The following TRIM22 variants were observed in gnomAD, a reference collection of about 807,000 sequenced individuals.
TRIM22 encodes the protein E3 ubiquitin-protein ligase TRIM22.
TRIM22 carries 45 observed loss-of-function variants against 53.6 expected under a neutral mutation model. The ratio of observed to expected loss-of-function variants is 0.84; its 90% CI spans 0.66 to 1.08. TRIM22 has a LOEUF of 1.08. TRIM22 is among the 50% of genes least tolerant of loss of function. The pLI, the probability that TRIM22 is intolerant of heterozygous loss-of-function variation, is 0.00. For missense variants in TRIM22, 616 were observed against 590.9 expected, an observed-to-expected ratio of 1.04 and a Z score of -0.44; for synonymous variants, 225 against 216.6, an observed-to-expected ratio of 1.04 and a Z score of -0.34.
chr11:5,707,702 C>T (rs1318749784), intron 5 of TRIM22, among the ~76,000 whole-genome samples: 1 of 152,032 alleles, frequency 6.6e-6, no homozygotes, highest in Non-Finnish European at 1.5e-5. Context: ...ATCCCAGCTA[C>T]TTGGGAGGCT....
At chr11:5,693,924 T>G (rs1853217602) in intron 1 of TRIM22, among the ~76,000 whole-genome samples, 1 of 152,144 alleles carries the variant, frequency 6.6e-6, no homozygotes, top group South Asian at 2.1e-4. Context: ...GAAGGAGGCC[T>G]CTGGTCCATG....
In TRIM22 at chr11:5,696,496, AC is replaced by A; in HGVS notation, c.265del (p.Gln89ArgfsTer45). The A allele has an allele frequency of 2.6e-5, 42 of 1,614,276 alleles. No individual in the cohort carries two copies. The highest frequency in any genetic ancestry group is 3.5e-5 in the Non-Finnish European group (41 of 1,180,052). ...ERVKEVKMSP[Q>X]EGQKRDVCEH... ...GAGTCAAAGAGGTCAAGATGAGCCC[AC>A]AGGAGGGGCAGAAGAGAGATGTCTG... On this transcript the variant is annotated frameshift_variant, in exon 2 of 8. Coordinates refer to ENST00000379965, the MANE Select transcript of TRIM22 (RefSeq NM_006074.5). LOFTEE classifies it high-confidence loss of function.
intron 1 of TRIM22, among the ~76,000 whole-genome samples, chr11:5,690,375 G>A (rs1853153716): frequency 6.6e-6 from 1 of 152,146 alleles, no homozygotes; most frequent in African/African-American, 2.4e-5. Flanking sequence ...GCTGGAGTCG[G>A]CCACACAATC....
chr11:5,707,435 C>T (rs73404232), intron 5 of TRIM22, among the ~76,000 whole-genome samples: 10,326 of 152,176 alleles, frequency 0.068, 561 homozygotes, highest in African/African-American at 0.15. Flanking sequence ...ACATCTCTGG[C>T]CTCTTCCTGG....
rs764535815 is a variant in TRIM22, at chr11:5,709,052, G to A, written c.902-1G>A. 1 of 1,610,224 alleles carries A rather than the reference G, an allele frequency of 6.2e-7. No homozygotes were observed. Among genetic ancestry groups the A allele is most frequent in the South Asian group, 1.1e-5 (1 of 90,940 alleles). On this transcript the variant is annotated splice_acceptor_variant, in intron 7 of 7. Transcript: ENST00000379965. LOFTEE classifies it high-confidence loss of function. ...ACTTGACTTGGTAATTTTTTCTACA[G>A]TGGACGTGATGCTGAATCCAGGCAG...
At chr11:5,693,058 A>T (rs897084197) in intron 1 of TRIM22, among the ~76,000 whole-genome samples, 13 of 150,902 alleles carry the variant, frequency 8.6e-5, no homozygotes, top group East Asian at 5.9e-4. Flanking sequence ...GTATATATAT[A>T]TATTTTTTAG....
At position 5,693,516 on chromosome 11, in the gene TRIM22, C is replaced by T. The variant is rs1484072894; in HGVS notation, c.-66-2651C>T. 4.0e-5 allele frequency among the ~76,000 whole-genome samples: 6 copies of T among 151,732 alleles called. No individual in the cohort carries two copies. In the East Asian group the frequency reaches 5.9e-4, roughly 15 times the overall value. ...CGGGCAGATCATGAGGTCCGGAGAT[C>T]GAGACCATCCTGGCTAACACAGTGA... is the stretch of plus-strand genomic sequence containing the variant. On this transcript the variant is annotated intron_variant, in intron 1 of 7. Transcript: ENST00000379965.
chr11:5,697,386 G>T, intron 3 of TRIM22, 43 bp downstream of exon 3: 1 of 1,475,560 alleles, frequency 6.8e-7, no homozygotes, highest in Non-Finnish European at 9.3e-7. Context: ...ACAGGAATCT[G>T]GGCAGGACCC....
intron 4 of TRIM22, among the ~76,000 whole-genome samples, chr11:5,702,285 G>A (rs1306654706): frequency 2.1e-5 from 3 of 141,848 alleles, no homozygotes; most frequent in Non-Finnish European, 4.6e-5. Context: ...ATGCCTAAAG[G>A]TATATATATA....
chr11:5,694,320 C>T (rs1226159671), intron 1 of TRIM22, among the ~76,000 whole-genome samples: 1 of 152,114 alleles, frequency 6.6e-6, no homozygotes, highest in Non-Finnish European at 1.5e-5. Flanking sequence ...TGTGTGTGAT[C>T]CTATAACTAT....
chr11:5,706,008 G>A (rs1853452462), intron 4 of TRIM22, among the ~76,000 whole-genome samples: 1 of 152,054 alleles, frequency 6.6e-6, no homozygotes, highest in Non-Finnish European at 1.5e-5. Context: ...ACTTCTTAAG[G>A]ACTTTTATTA....
chr11:5,692,872 T>G (rs1177521191), intron 1 of TRIM22, among the ~76,000 whole-genome samples: 2 of 135,230 alleles, frequency 1.5e-5, no homozygotes, highest in African/African-American at 5.4e-5. Flanking sequence ...TAATTTAATT[T>G]AATCTTTTTT....
chr11:5,708,833 C>T (rs1465679719), intron 7 of TRIM22, among the ~76,000 whole-genome samples: 28 of 152,038 alleles, frequency 1.8e-4, no homozygotes. Flanking sequence ...TCTGCTGCCT[C>T]AGCCTCCCAA....
intron 1 of TRIM22, among the ~76,000 whole-genome samples, chr11:5,693,189 CTTTT>C (rs55820335): frequency 1.1e-4 from 14 of 125,598 alleles, no homozygotes; most frequent in East Asian, 2.5e-4. Flanking sequence ...GCCTGGCCAT[CTTTT>C]TTTTTTTTTT....
chr11:5,705,956 T>C (rs1334069224), intron 4 of TRIM22, among the ~76,000 whole-genome samples: 1 of 152,306 alleles, frequency 6.6e-6, no homozygotes, highest in South Asian at 2.1e-4. Context: ...AGACAAACTT[T>C]TAGTTGAAAT....
intron 5 of TRIM22, 27 bp from the exon 6 acceptor site, chr11:5,708,146 A>G (rs1317642157): frequency 7.1e-6 from 11 of 1,556,260 alleles, no homozygotes; most frequent in Non-Finnish European, 8.9e-6. Context: ...CAAAGGTGTA[A>G]AGGTTATCAA....
At chr11:5,694,122 A>T (rs1853220232) in intron 1 of TRIM22, among the ~76,000 whole-genome samples, 1 of 152,248 alleles carries the variant, frequency 6.6e-6, no homozygotes, top group African/African-American at 2.4e-5. Flanking sequence ...ACTAAATAGT[A>T]TTTAAATATA....
intron 4 of TRIM22, among the ~76,000 whole-genome samples, chr11:5,701,867 T>A (rs1314054617): frequency 6.6e-6 from 1 of 152,126 alleles, no homozygotes; most frequent in Non-Finnish European, 1.5e-5. Flanking sequence ...TTTGTGCTGC[T>A]ACGTTGTTAG....
rs150084384 is a variant in TRIM22 at position 5,700,018 on chromosome 11, G to GTT, written c.750+1482_750+1483dup. On this transcript the variant is annotated intron_variant, in intron 4 of 7. Coordinates refer to ENST00000379965, the MANE Select transcript of TRIM22 (RefSeq NM_006074.5). The stretch of plus-strand genomic sequence containing the variant: ...ATAATTACTTATTAGTCATAGAAGA[G>GTT]TTTTTTTTTTAATGTCAATTCTTTG... Among the ~76,000 whole-genome samples, 5 of 145,494 alleles carry GTT rather than the reference G, an allele frequency of 3.4e-5. No individual in the cohort carries two copies. In the South Asian group the frequency reaches 1.1e-3, roughly 32 times the overall value.
Sources: allele counts gnomAD v4.1 joint callset (sites outside exome capture counted in the v4.1 genomes callset), GRCh38; gene constraint gnomAD v4.1.1; transcripts MANE v1.5; gene names NCBI Gene and HGNC (gene_info 2026-07-23, HGNC 2026-07-21).